Variants in DENND4A observed in about 807,000 individuals in gnomAD.
The protein encoded by DENND4A is DENN domain containing 4A.
A neutral mutation model predicts 199.3 loss-of-function variants in DENND4A; 70 were observed. That is an observed-to-expected ratio of 0.35 (90% CI 0.29 to 0.43). The LOEUF is 0.43. DENND4A is among the 20% of genes least tolerant of loss of function. The probability of loss-of-function intolerance (pLI) is 1.00; values close to 1 mark genes in which losing one functional copy is unlikely to be tolerated. For missense variants in DENND4A, 1,723 were observed against 2,255.8 expected (o/e 0.76, Z 4.78); for synonymous variants, 686 against 766.9 (o/e 0.89, Z 1.74).
At chr15:65,698,507 A>T (rs997998309) in intron 20 of DENND4A, among the ~76,000 whole-genome samples, 13 of 152,094 alleles carry the variant, frequency 8.5e-5, no homozygotes, top group African/African-American at 2.7e-4. Flanking sequence ...ATATGAGACT[A>T]TATATGAAAA....
chr15:65,687,616 G>T (rs755610176), intron 23 of DENND4A, among the ~76,000 whole-genome samples: 6 of 152,028 alleles, frequency 3.9e-5, no homozygotes, highest in Non-Finnish European at 7.4e-5. Flanking sequence ...CACCCATGAA[G>T]AATATTTTCA....
intron 1 of DENND4A, among the ~76,000 whole-genome samples, chr15:65,773,332 G>T (rs1478935369): frequency 6.6e-6 from 1 of 152,184 alleles, no homozygotes; most frequent in Non-Finnish European, 1.5e-5. Context: ...TGAAGAACCA[G>T]GCACTAAAAC....
chr15:65,668,488 T>C (rs1309973475), intron 27 of DENND4A, among the ~76,000 whole-genome samples: 1 of 151,806 alleles, frequency 6.6e-6, no homozygotes, highest in Non-Finnish European at 1.5e-5. Context: ...GGATTACAAG[T>C]GTGGGCCACC....
At chr15:65,666,130 G>T (rs770244864) in intron 29 of DENND4A, among the ~76,000 whole-genome samples, 11 of 152,058 alleles carry the variant, frequency 7.2e-5, no homozygotes, top group Non-Finnish European at 1.5e-4. Context: ...ACCTCCAATG[G>T]ATACCTATAA....
rs80093582 is a variant in DENND4A at position 65,660,429 on chromosome 15, C to T, written c.*1422G>A. The T allele has an allele frequency of 0.014, 10,585 of 752,258 alleles. 113 individuals are homozygous for T. Among genetic ancestry groups the T allele is most frequent in the Middle Eastern group, 0.029 (124 of 4,276 alleles). The allele number at this position is 752,258 out of a possible 1,614,324, so 46.6% of individuals were successfully genotyped here. A position where few individuals can be genotyped will look rare whatever the true frequency, so the allele number is the denominator to read the frequency against. On this transcript the variant is annotated 3_prime_UTR_variant, in exon 33 of 33. Transcript: ENST00000443035. ...CGTGGACTCTACTGGCTTTATACAC[C>T]TAATTTGGGACTATCCATTTTTTCC...
intron 11 of DENND4A, among the ~76,000 whole-genome samples, chr15:65,724,942 T>G (rs530429253): frequency 2.2e-4 from 33 of 152,224 alleles, no homozygotes; most frequent in African/African-American, 7.7e-4. Flanking sequence ...TTATTCCCAG[T>G]GCCTAGCAAA....
At chr15:65,737,200 C>A (rs997363440) in intron 7 of DENND4A, among the ~76,000 whole-genome samples, 2 of 152,062 alleles carry the variant, frequency 1.3e-5, no homozygotes, top group Non-Finnish European at 2.9e-5. Flanking sequence ...GCAGCTAGGA[C>A]TACAGGCATG....
rs1321842692 is a variant in DENND4A, at chr15:65,729,083, G to A, written c.1476C>T (p.Asn492=). The A allele has an allele frequency of 2.5e-6, 4 of 1,584,830 alleles. No individual in the cohort carries two copies. Among genetic ancestry groups the A allele is most frequent in the Non-Finnish European group, 3.4e-6 (4 of 1,163,782 alleles). ...PDVSCVDVDT[N]TISQIGDKKN... is the part of the protein sequence containing the mutation. ...TAAAATGTACTTACTGAGAAATAGT[G>A]TTGGTATCTACATCAACACAACTGA... The change falls in exon 11 of 33, where the codon AAC becomes AAT. Residue 492 remains asparagine (N), a synonymous_variant. Transcript: ENST00000443035.
chr15:65,683,260 A>G (rs1455791495), intron 23 of DENND4A, among the ~76,000 whole-genome samples: 1 of 152,210 alleles, frequency 6.6e-6, no homozygotes, highest in African/African-American at 2.4e-5. Context: ...TCTTTCTGAT[A>G]TTAGTGATTG....
intron 25 of DENND4A, 58 bp from the exon 26 acceptor site, chr15:65,670,246 AAACC>A: frequency 7.6e-7 from 1 of 1,319,848 alleles, no homozygotes; most frequent in Non-Finnish European, 1.0e-6. Flanking sequence ...TATGAATTAA[AAACC>A]ATTTCAATTC....
At chr15:65,755,651 A>G (rs1163223717) in intron 3 of DENND4A, among the ~76,000 whole-genome samples, 2 of 152,142 alleles carry the variant, frequency 1.3e-5, no homozygotes, top group Non-Finnish European at 2.9e-5. Context: ...CTATAGTCCC[A>G]GCTACTCAAG....
intron 15 of DENND4A, among the ~76,000 whole-genome samples, chr15:65,703,396 C>T (rs78374057): frequency 0.097 from 14,746 of 152,204 alleles, 901 homozygotes; most frequent in Non-Finnish European, 0.14. Context: ...AAAGGGCAAT[C>T]ATTAATGTCA....
intron 7 of DENND4A, among the ~76,000 whole-genome samples, chr15:65,736,107 ATTTT>A (rs1175400691): frequency 6.6e-6 from 1 of 152,140 alleles, no homozygotes; most frequent in East Asian, 1.9e-4. Flanking sequence ...AACAAATGTG[ATTTT>A]TTAATATTAA....
At chr15:65,706,495 C>T (rs3082831) in intron 14 of DENND4A, among the ~76,000 whole-genome samples, 31,928 of 88,162 alleles carry the variant, frequency 0.36, 4,694 homozygotes, top group East Asian at 0.77. Flanking sequence ...CACACACACA[C>T]ATATATATAT....
chr15:65,676,960 AT>A (rs2141943081), intron 23 of DENND4A, among the ~76,000 whole-genome samples: 1 of 152,310 alleles, frequency 6.6e-6, no homozygotes, highest in Non-Finnish European at 1.5e-5. Flanking sequence ...AACCACTAGA[AT>A]TACGTTTTAT....
chr15:65,665,123 C>T (rs1025036329), intron 30 of DENND4A: 2 of 465,682 alleles, frequency 4.3e-6, no homozygotes, highest in Admixed American at 3.9e-5. Context: ...AAAACCAAAC[C>T]AAAACAAAAA....
chr15:65,788,107 C>T (rs1194045792), intron 1 of DENND4A, among the ~76,000 whole-genome samples: 2 of 150,638 alleles, frequency 1.3e-5, no homozygotes, highest in African/African-American at 2.4e-5. Flanking sequence ...GACAGAGTCT[C>T]GTTCTGCCAC....
At chr15:65,750,802 T>G (rs139162518) in intron 4 of DENND4A, among the ~76,000 whole-genome samples, 10 of 152,256 alleles carry the variant, frequency 6.6e-5, no homozygotes, top group Middle Eastern at 3.4e-3. Flanking sequence ...TGGGAGGACT[T>G]TGGCTTTTAC....
chr15:65,712,145 T>C (rs2075269791), intron 14 of DENND4A, among the ~76,000 whole-genome samples: 1 of 152,244 alleles, frequency 6.6e-6, no homozygotes, highest in Non-Finnish European at 1.5e-5. Context: ...ATGATATTTC[T>C]GGATACTTTG....
Sources: allele counts gnomAD v4.1 joint callset (sites outside exome capture counted in the v4.1 genomes callset), GRCh38; gene constraint gnomAD v4.1.1; transcripts MANE v1.5; gene names NCBI Gene and HGNC (gene_info 2026-07-23, HGNC 2026-07-21).